The following ZFPM2 variants were observed in gnomAD, a reference collection of about 807,000 sequenced individuals.
ZFPM2 encodes zinc finger protein ZFPM2.
In ZFPM2, 20 loss-of-function variants were observed where a neutral mutation model predicts 98.6. The observed-to-expected ratio is 0.20, with a 90% confidence interval of 0.14 to 0.29. The LOEUF (loss-of-function observed/expected upper bound fraction) is 0.29, where lower values mean the gene tolerates loss of function less well. Among genes scored for constraint, ZFPM2 ranks in the 10% least tolerant of loss-of-function variants. The probability of loss-of-function intolerance (pLI) is 1.00; values close to 1 mark genes in which losing one functional copy is unlikely to be tolerated. For missense variants in ZFPM2, 1,310 were observed against 1,388.6 expected (o/e 0.94, Z 0.90); for synonymous variants, 518 against 502.7 (o/e 1.03, Z -0.41).
intron 3 of ZFPM2, among the ~76,000 whole-genome samples, chr8:105,477,567 T>G (rs1484030526): frequency 6.6e-6 from 1 of 150,658 alleles, no homozygotes; most frequent in East Asian, 1.9e-4. Flanking sequence ...TGGGCAGGTA[T>G]TTTAAAGCTA....
At chr8:105,332,049 C>T (rs1329276825) in intron 1 of ZFPM2, among the ~76,000 whole-genome samples, 2 of 151,644 alleles carry the variant, frequency 1.3e-5, no homozygotes, top group Non-Finnish European at 3.0e-5. Flanking sequence ...ACCCATAAAC[C>T]ACTTGCAGTC....
chr8:105,419,975 G>A (rs1249953374), intron 2 of ZFPM2, among the ~76,000 whole-genome samples: 1 of 152,000 alleles, frequency 6.6e-6, no homozygotes, highest in Non-Finnish European at 1.5e-5. Context: ...TCATAAGTCA[G>A]TTTAAGGTTC....
chr8:105,636,448 A>T (rs1816848325), intron 5 of ZFPM2, among the ~76,000 whole-genome samples: 1 of 152,258 alleles, frequency 6.6e-6, no homozygotes, highest in Admixed American at 6.5e-5. Flanking sequence ...TCTCTTCTTG[A>T]TGCTCCCATG....
intron 3 of ZFPM2, among the ~76,000 whole-genome samples, chr8:105,456,897 C>T (rs1310022363): frequency 6.6e-6 from 1 of 152,166 alleles, no homozygotes; most frequent in African/African-American, 2.4e-5. Flanking sequence ...CAGTGATCCA[C>T]CCGCCTGGGC....
intron 1 of ZFPM2, among the ~76,000 whole-genome samples, chr8:105,375,979 C>T (rs1810717469): frequency 6.6e-6 from 1 of 152,142 alleles, no homozygotes; most frequent in Non-Finnish European, 1.5e-5. Flanking sequence ...TCTCTATGCC[C>T]TATTTAGAGC....
intron 4 of ZFPM2, among the ~76,000 whole-genome samples, chr8:105,590,042 A>C (rs897722463): frequency 6.6e-5 from 10 of 151,950 alleles, no homozygotes; most frequent in Admixed American, 6.6e-4. Flanking sequence ...TTTCTGATCC[A>C]TTTTGTTTAC....
At chr8:105,661,857 A>G (rs1479392423) in intron 5 of ZFPM2, among the ~76,000 whole-genome samples, 1 of 152,126 alleles carries the variant, frequency 6.6e-6, no homozygotes, top group Non-Finnish European at 1.5e-5. Flanking sequence ...CAATGGGGAC[A>G]CGTTTAATTG....
At chr8:105,331,847 C>A (rs182290309) in intron 1 of ZFPM2, among the ~76,000 whole-genome samples, 59 of 151,822 alleles carry the variant, frequency 3.9e-4, no homozygotes, top group Admixed American at 2.3e-3. Context: ...GGAACAGTTT[C>A]ATTTTTATTT....
chr8:105,547,447 CAA>C (rs1402124190), intron 3 of ZFPM2, among the ~76,000 whole-genome samples: 16 of 135,952 alleles, frequency 1.2e-4, no homozygotes, highest in African/African-American at 3.3e-4. Context: ...GAGACTGAGA[CAA>C]GAGAATTGCT....
intron 5 of ZFPM2, among the ~76,000 whole-genome samples, chr8:105,684,087 T>C (rs1219291480): frequency 3.9e-5 from 6 of 152,166 alleles, no homozygotes; most frequent in Non-Finnish European, 5.9e-5. Context: ...AAATCATTGA[T>C]GCGCTTATTC....
At chr8:105,741,971 G>A (rs574060917) in intron 5 of ZFPM2, among the ~76,000 whole-genome samples, 1 of 152,162 alleles carries the variant, frequency 6.6e-6, no homozygotes, top group South Asian at 2.1e-4. Flanking sequence ...CAGGGAAGTA[G>A]GGATATGCGG....
chr8:105,782,585 G>A (rs1813282357), intron 5 of ZFPM2: 1 of 152,094 alleles, frequency 6.6e-6, no homozygotes, highest in African/African-American at 2.4e-5. Context: ...TTGTGGATTG[G>A]TTTCAAGATC....
At chr8:105,512,499 G>T (rs1813837769) in intron 3 of ZFPM2, among the ~76,000 whole-genome samples, 1 of 152,150 alleles carries the variant, frequency 6.6e-6, no homozygotes, top group Admixed American at 6.5e-5. Flanking sequence ...TAAAAGATTA[G>T]TTTTATGCAT....
chr8:105,324,190 A>C (rs1450593452), intron 1 of ZFPM2, among the ~76,000 whole-genome samples: 1 of 151,866 alleles, frequency 6.6e-6, no homozygotes, highest in Non-Finnish European at 1.5e-5. Context: ...GAGTTAATAC[A>C]AAGATTTATA....
At chr8:105,416,696 T>C (rs1413657789) in intron 1 of ZFPM2, among the ~76,000 whole-genome samples, 2 of 151,854 alleles carry the variant, frequency 1.3e-5, no homozygotes, top group Non-Finnish European at 2.9e-5. Context: ...TTAGTGTGGG[T>C]ATAAATTATA....
At chr8:105,669,320 C>G (rs1817545564) in intron 5 of ZFPM2, among the ~76,000 whole-genome samples, 1 of 151,830 alleles carries the variant, frequency 6.6e-6, no homozygotes, top group Non-Finnish European at 1.5e-5. Flanking sequence ...TTACTAAATA[C>G]TCAGTACATT....
At chr8:105,346,117 T>C (rs761668526) in intron 1 of ZFPM2, among the ~76,000 whole-genome samples, 30 of 152,120 alleles carry the variant, frequency 2.0e-4, no homozygotes, top group Non-Finnish European at 3.5e-4. Context: ...CCGGCACAGT[T>C]GCTCACACCT....
intron 5 of ZFPM2, among the ~76,000 whole-genome samples, chr8:105,690,526 C>G (rs1350925888): frequency 1.3e-5 from 2 of 152,132 alleles, no homozygotes; most frequent in Non-Finnish European, 2.9e-5. Context: ...TTGCAGGAGT[C>G]TAGACACCAG....
intron 5 of ZFPM2, among the ~76,000 whole-genome samples, chr8:105,771,350 G>A (rs1812975002): frequency 6.6e-6 from 1 of 151,914 alleles, no homozygotes; most frequent in African/African-American, 2.4e-5. Context: ...CCAAATAACA[G>A]GAATCTGTGA....
Sources: allele counts gnomAD v4.1 joint callset (sites outside exome capture counted in the v4.1 genomes callset), GRCh38; gene constraint gnomAD v4.1.1; transcripts MANE v1.5; gene names NCBI Gene and HGNC (gene_info 2026-07-23, HGNC 2026-07-21).